The following CFAP54 variants were observed in gnomAD, a reference collection of about 807,000 sequenced individuals.
The protein encoded by CFAP54 is cilia- and flagella-associated protein 54.
A neutral mutation model predicts 370.4 loss-of-function variants in CFAP54; 290 were observed. The ratio of observed to expected loss-of-function variants is 0.78; its 90% CI spans 0.71 to 0.86. The LOEUF (loss-of-function observed/expected upper bound fraction) is 0.86, where lower values mean the gene tolerates loss of function less well. Ranked by LOEUF, CFAP54 falls within the 40% of genes least tolerant of loss-of-function variation. The pLI, the probability that CFAP54 is intolerant of heterozygous loss-of-function variation, is 0.00. For missense variants in CFAP54, 3,399 were observed against 3,528.7 expected (o/e 0.96, Z 0.93); for synonymous variants, 1,206 against 1,236.5 (o/e 0.98, Z 0.52).
At chr12:96,738,393 A>G (rs1414058307) in intron 50 of CFAP54, among the ~76,000 whole-genome samples, 1 of 152,146 alleles carries the variant, frequency 6.6e-6, no homozygotes, top group East Asian at 1.9e-4. Flanking sequence ...TCACAGTCCT[A>G]GAGGCAAGAC....
At chr12:96,775,023 G>A (rs1432232186) in intron 60 of CFAP54, among the ~76,000 whole-genome samples, 1 of 152,114 alleles carries the variant, frequency 6.6e-6, no homozygotes, top group Admixed American at 6.6e-5. Flanking sequence ...AAATATTTAA[G>A]TCTACTTATT....
At chr12:96,845,741 T>C (rs1185175214) in intron 66 of CFAP54, among the ~76,000 whole-genome samples, 1 of 152,158 alleles carries the variant, frequency 6.6e-6, no homozygotes, top group Non-Finnish European at 1.5e-5. Context: ...ACAGCTAAGT[T>C]CCATGTCAGA....
intron 39 of CFAP54, among the ~76,000 whole-genome samples, chr12:96,674,336 CTTT>C (rs5800259): frequency 8.0e-6 from 1 of 125,004 alleles, no homozygotes. Flanking sequence ...CAATGTTTTT[CTTT>C]TTTTTTTTTT....
intron 25 of CFAP54, among the ~76,000 whole-genome samples, chr12:96,595,764 G>T (rs185802866): frequency 6.6e-6 from 1 of 152,146 alleles, no homozygotes; most frequent in Non-Finnish European, 1.5e-5. Context: ...TGTGGAGTAT[G>T]GTTCATCCAA....
Position 96,844,450 on chromosome 12 carries a change from G to A in CFAP54, c.9171+15362G>A, listed in dbSNP as rs554913077. Among the ~76,000 whole-genome samples the A allele has an allele frequency of 1.9e-4, 29 of 152,286 alleles. No individual in the cohort carries two copies. The South Asian group carries it at 6.0e-3, about 32-fold the overall frequency. ...ATAGATTCTCCCCTTAGAGCCTCCA[G>A]AAGGAACCAGCCCGGCTGACACCTT... On this transcript the variant is annotated intron_variant, in intron 66 of 67. Transcript: ENST00000524981.
At chr12:96,743,346 T>C in intron 52 of CFAP54, 56 bp from the exon 53 acceptor site, 1 of 1,573,176 alleles carries the variant, frequency 6.4e-7, no homozygotes, top group Non-Finnish European at 8.7e-7. Flanking sequence ...CTATTACACA[T>C]GTATAACTTC....
intron 66 of CFAP54, among the ~76,000 whole-genome samples, chr12:96,839,283 C>T (rs1039734288): frequency 6.6e-6 from 1 of 152,142 alleles, no homozygotes; most frequent in African/African-American, 2.4e-5. Context: ...ATGAGTTAAT[C>T]CATGTAAAAC....
chr12:96,515,184 T>C (rs909770157), intron 5 of CFAP54, among the ~76,000 whole-genome samples: 2 of 151,976 alleles, frequency 1.3e-5, no homozygotes, highest in Non-Finnish European at 2.9e-5. Context: ...ATTTTTTGTA[T>C]TTTTAGTAGA....
intron 60 of CFAP54, among the ~76,000 whole-genome samples, chr12:96,773,363 G>A (rs1313491331): frequency 6.6e-6 from 1 of 152,216 alleles, no homozygotes; most frequent in Non-Finnish European, 1.5e-5. Flanking sequence ...TGAATCACCT[G>A]TCTCCCTCAC....
At chr12:96,841,297 CAG>C (rs1278993132) in intron 66 of CFAP54, among the ~76,000 whole-genome samples, 2 of 152,188 alleles carry the variant, frequency 1.3e-5, no homozygotes, top group Admixed American at 1.3e-4. Context: ...AGGTGAGAGA[CAG>C]GGGAATCATT....
In CFAP54 at chr12:96,554,150, A is replaced by C. The variant is rs753831965; in HGVS notation, c.2155-32A>C. ...GTTGCATTTGATTTTCCCTTGTTTT[A>C]TTTTTCTTTTTTGTTTATAAAATTA... On this transcript the variant is annotated intron_variant, in intron 15 of 67. Transcript: ENST00000524981. The C allele has an allele frequency of 2.1e-5, 30 of 1,397,140 alleles. No individual in the cohort carries two copies. In the South Asian group the frequency reaches 3.9e-4, roughly 18 times the overall value. The allele number at this position is 1,397,140 out of a possible 1,614,324, so 86.5% of individuals were successfully genotyped here.
chr12:96,521,981 T>C lies in CFAP54; in HGVS notation c.1056+11T>C, dbSNP rs1408346602. On this transcript the variant is annotated intron_variant, in intron 7 of 67. Transcript: ENST00000524981. ...GAGGCCACAATGAAGGTATAAAAAT[T>C]TCATGAAATAAAAGAAATTTACCAC... is the stretch of plus-strand genomic sequence containing the variant. 2.0e-6 allele frequency: 3 copies of C among 1,530,312 alleles called. No homozygotes were observed. Among genetic ancestry groups the C allele is most frequent in the African/African-American group, 2.7e-5 (2 of 72,856 alleles). 94.8% of individuals were successfully genotyped at this position (1,530,312 alleles called of 1,614,324 possible).
At chr12:96,675,132 C>A (rs1181438870) in intron 39 of CFAP54, among the ~76,000 whole-genome samples, 1 of 151,842 alleles carries the variant, frequency 6.6e-6, no homozygotes, top group Non-Finnish European at 1.5e-5. Flanking sequence ...AAAGAAACTA[C>A]CATCAGAGTG....
intron 1 of CFAP54, among the ~76,000 whole-genome samples, chr12:96,493,138 CAT>C (rs1033561719): frequency 6.6e-6 from 1 of 152,198 alleles, no homozygotes; most frequent in Non-Finnish European, 1.5e-5. Flanking sequence ...ATTGGATTGA[CAT>C]GTGCCTTAAC....
chr12:96,533,181 G>T (rs528812150), intron 9 of CFAP54, among the ~76,000 whole-genome samples: 2 of 151,592 alleles, frequency 1.3e-5, no homozygotes, highest in Admixed American at 6.6e-5. Context: ...TCTCAGGCTG[G>T]ACTCAAACTT....
intron 52 of CFAP54, 82 bp from the exon 53 acceptor site, chr12:96,743,318 CTG>C: frequency 7.5e-7 from 1 of 1,337,148 alleles, no homozygotes; most frequent in Non-Finnish European, 1.0e-6. Context: ...CACAATATTT[CTG>C]TGATGAAAAT....
At position 96,693,687 on chromosome 12, in the gene CFAP54, A is replaced by G. The variant is rs776090637; in HGVS notation, c.6265-35A>G. The G allele has an allele frequency of 1.4e-5, 19 of 1,323,036 alleles. No homozygotes were observed. In the East Asian group the frequency reaches 2.3e-4, roughly 16 times the overall value. 82.0% of individuals were successfully genotyped at this position (1,323,036 alleles called of 1,614,324 possible). On this transcript the variant is annotated intron_variant, in intron 44 of 67. Coordinates refer to ENST00000524981, the MANE Select transcript of CFAP54 (RefSeq NM_001306084.2). ...TATTAGGTTATTAGTTTGATAAAAT[A>G]TATTTTGAAACAAAGAGTGTTTTTC...
At chr12:96,682,027 C>A in intron 40 of CFAP54, 1 of 390,804 alleles carries the variant, frequency 2.6e-6, no homozygotes, top group Non-Finnish European at 3.5e-6. Context: ...AATGTCTCAG[C>A]TATATACAAA....
chr12:96,670,575 A>G (rs886530559), intron 39 of CFAP54, among the ~76,000 whole-genome samples: 6 of 152,240 alleles, frequency 3.9e-5, no homozygotes, highest in African/African-American at 1.2e-4. Context: ...AAAGAGGTAC[A>G]GAGTGTGTGA....
Sources: allele counts gnomAD v4.1 joint callset (sites outside exome capture counted in the v4.1 genomes callset), GRCh38; gene constraint gnomAD v4.1.1; transcripts MANE v1.5; gene names NCBI Gene and HGNC (gene_info 2026-07-23, HGNC 2026-07-21).